CSMD1: variants seen among roughly 807,000 people sequenced by gnomAD.
The protein encoded by CSMD1 is CUB and sushi domain-containing protein 1.
A neutral mutation model predicts 417.5 loss-of-function variants in CSMD1; 213 were observed. That is an observed-to-expected ratio of 0.51 (90% CI 0.46 to 0.57). The LOEUF is 0.57. CSMD1 is among the 20% of genes least tolerant of loss of function. The pLI is 0.00. For missense variants in CSMD1, 6,923 were observed against 4,529.7 expected (o/e 1.53, Z -15.17); for synonymous variants, 2,862 against 1,736.8 (o/e 1.65, Z -16.11).
chr8:3,775,630 C>T (rs1365489010), intron 5 of CSMD1, among the ~76,000 whole-genome samples: 2 of 152,208 alleles, frequency 1.3e-5, no homozygotes, highest in African/African-American at 4.8e-5. Flanking sequence ...GACTCATGTG[C>T]TCCTGTTCAG....
chr8:3,697,929 C>T (rs887651584), intron 7 of CSMD1, among the ~76,000 whole-genome samples: 15 of 152,104 alleles, frequency 9.9e-5, no homozygotes, highest in Non-Finnish European at 1.9e-4. Flanking sequence ...CAATTATATT[C>T]TTTAATTGTA....
intron 5 of CSMD1, among the ~76,000 whole-genome samples, chr8:3,933,591 T>C (rs544949774): frequency 3.7e-4 from 56 of 152,286 alleles, no homozygotes; most frequent in Admixed American, 5.9e-4. Flanking sequence ...TAGGAGTGTG[T>C]AGAACTGTTA....
chr8:3,763,298 G>C (rs1798108618), intron 5 of CSMD1, among the ~76,000 whole-genome samples: 1 of 152,152 alleles, frequency 6.6e-6, no homozygotes, highest in Admixed American at 6.5e-5. Context: ...GTTGACATAT[G>C]ATTGCCGGTA....
intron 2 of CSMD1, among the ~76,000 whole-genome samples, chr8:4,542,718 T>C (rs187913009): frequency 2.6e-5 from 4 of 152,244 alleles, no homozygotes. Flanking sequence ...AGGGAACATA[T>C]AATTCAATGG....
intron 3 of CSMD1, among the ~76,000 whole-genome samples, chr8:4,361,465 G>A (rs1403571900): frequency 6.7e-6 from 1 of 148,458 alleles, no homozygotes; most frequent in Non-Finnish European, 1.5e-5. Context: ...AGCCTAATAA[G>A]GTCGACATTA....
intron 26 of CSMD1, among the ~76,000 whole-genome samples, chr8:3,282,339 C>T (rs1427147563): frequency 6.6e-6 from 1 of 152,116 alleles, no homozygotes; most frequent in East Asian, 1.9e-4. Context: ...GCCTTCTACT[C>T]AATCTTACTG....
At chr8:4,088,043 G>T (rs1016690530) in intron 3 of CSMD1, among the ~76,000 whole-genome samples, 1 of 152,092 alleles carries the variant, frequency 6.6e-6, no homozygotes, top group Non-Finnish European at 1.5e-5. Flanking sequence ...CACTCCCCCA[G>T]CACCATGACC....
chr8:4,191,321 G>T (rs926679143), intron 3 of CSMD1, among the ~76,000 whole-genome samples: 3 of 152,014 alleles, frequency 2.0e-5, no homozygotes, highest in Admixed American at 6.6e-5. Context: ...GCGTGAACCC[G>T]GGAGGCAGAG....
chr8:4,813,170 A>G (rs1023719576), intron 1 of CSMD1, among the ~76,000 whole-genome samples: 2 of 152,230 alleles, frequency 1.3e-5, no homozygotes, highest in African/African-American at 4.8e-5. Context: ...TCACTAATGC[A>G]TACACTAAAC....
chr8:3,427,348 T>C (rs1813914454), intron 12 of CSMD1, among the ~76,000 whole-genome samples: 1 of 152,212 alleles, frequency 6.6e-6, no homozygotes, highest in Non-Finnish European at 1.5e-5. Context: ...TACTGATTTT[T>C]CTTCAAGTCA....
At chr8:4,875,258 C>G (rs929683615) in intron 1 of CSMD1, among the ~76,000 whole-genome samples, 1 of 151,886 alleles carries the variant, frequency 6.6e-6, no homozygotes, top group Non-Finnish European at 1.5e-5. Flanking sequence ...AGCGCTATAC[C>G]CAAGTCCTCT....
intron 1 of CSMD1, among the ~76,000 whole-genome samples, chr8:4,825,344 C>T (rs73181567): frequency 0.02 from 3,035 of 152,110 alleles, 47 homozygotes; most frequent in Non-Finnish European, 0.031. Context: ...TTCTTGTGTG[C>T]GGTAAGAACA....
chr8:4,699,493 A>G, intron 1 of CSMD1, among the ~76,000 whole-genome samples: 1 of 152,322 alleles, frequency 6.6e-6, no homozygotes, highest in East Asian at 1.9e-4. Context: ...CTAATGAGAA[A>G]GTCAAAGCTG....
At chr8:3,789,947 G>A (rs369846364) in intron 5 of CSMD1, among the ~76,000 whole-genome samples, 1 of 152,088 alleles carries the variant, frequency 6.6e-6, no homozygotes, top group South Asian at 2.1e-4. Flanking sequence ...TAGCCAGGAT[G>A]GTCTCGATCT....
intron 49 of CSMD1, among the ~76,000 whole-genome samples, chr8:3,076,059 G>GAAA (rs150360282): frequency 7.3e-6 from 1 of 136,872 alleles, no homozygotes; most frequent in Non-Finnish European, 1.6e-5. Context: ...TCAAAAAAAA[G>GAAA]AAAAAAAAAA....
rs539039607 is a variant in CSMD1 at position 3,493,631 on chromosome 8, G to C, written c.1440C>G (p.Val480=). ...DAGKVGDTRS[V]LYVLTGSSVP... ...CTCAAGGACATACTCACACGTACAA[G>C]ACCGATCTGGTGTCTCCCACCTTCC... The change falls in exon 11 of 70, where the codon GTC becomes GTG. Residue 480 remains valine (V), a synonymous_variant. Coordinates refer to ENST00000635120, the MANE Select transcript of CSMD1 (RefSeq NM_033225.6). The C allele has an allele frequency of 1.1e-5, 17 of 1,608,976 alleles. No homozygotes were observed. The highest frequency in any genetic ancestry group is 8.0e-5 in the African/African-American group (6 of 74,844).
At chr8:3,581,162 G>A (rs1265788648) in intron 9 of CSMD1, among the ~76,000 whole-genome samples, 1 of 152,066 alleles carries the variant, frequency 6.6e-6, no homozygotes, top group Non-Finnish European at 1.5e-5. Flanking sequence ...ATGGAATGAA[G>A]TACCAGCCTG....
chr8:3,948,508 T>C (rs1382190027), intron 5 of CSMD1, among the ~76,000 whole-genome samples: 1 of 152,132 alleles, frequency 6.6e-6, no homozygotes, highest in African/African-American at 2.4e-5. Context: ...ATAGTTTGTC[T>C]TCTTATATTT....
At chr8:3,824,890 A>C (rs1321402217) in intron 5 of CSMD1, among the ~76,000 whole-genome samples, 1 of 152,180 alleles carries the variant, frequency 6.6e-6, no homozygotes, top group Admixed American at 6.5e-5. Context: ...ATAAAATGAG[A>C]ATTGTAAAGA....
Sources: gnomAD v4.1 joint callset for allele counts (sites outside exome capture counted in the v4.1 genomes callset) on GRCh38, gnomAD v4.1.1 for gene constraint, MANE v1.5 for transcripts, NCBI Gene and HGNC (gene_info 2026-07-23, HGNC 2026-07-21) for gene names.